Variants in AGFG1 observed in about 807,000 individuals in gnomAD.
The protein encoded by AGFG1 is ArfGAP with FG repeats 1.
A neutral mutation model predicts 60.6 loss-of-function variants in AGFG1; 10 were observed. The observed-to-expected ratio is 0.16, with a 90% CI of 0.10 to 0.28. AGFG1 has a LOEUF of 0.28. AGFG1 is among the 10% of genes least tolerant of loss of function. The probability of loss-of-function intolerance (pLI) is 1.00; values close to 1 mark genes in which losing one functional copy is unlikely to be tolerated. For synonymous variants in AGFG1, 247 were observed against 242.9 expected, an observed-to-expected ratio of 1.02 and a Z score of -0.16; for missense variants, 537 against 676.5, an observed-to-expected ratio of 0.79 and a Z score of 2.29.
chr2:227,496,212 TTATCTC>T (rs1399855291), intron 2 of AGFG1, among the ~76,000 whole-genome samples: 1 of 152,028 alleles, frequency 6.6e-6, no homozygotes, highest in African/African-American at 2.4e-5. Context: ...CAGTATTTGA[TTATCTC>T]TATACTGGAT....
chr2:227,498,477 A>G (rs1214615327), intron 2 of AGFG1, among the ~76,000 whole-genome samples: 1 of 152,200 alleles, frequency 6.6e-6, no homozygotes, highest in African/African-American at 2.4e-5. Context: ...TATTTAAGGG[A>G]TATTTATTTA....
intron 2 of AGFG1, among the ~76,000 whole-genome samples, chr2:227,497,723 C>CTTGTTTTTTTTTT (rs1559173411): frequency 1.2e-5 from 1 of 80,300 alleles, no homozygotes; most frequent in Non-Finnish European, 2.5e-5. Context: ...AAATGAGTTT[C>CTTGTTTTTTTTTT]TTTCTTGTTT....
chr2:227,535,142 G>A, intron 8 of AGFG1, 117 bp downstream of exon 8: 1 of 1,138,906 alleles, frequency 8.8e-7, no homozygotes, highest in Non-Finnish European at 1.2e-6. Flanking sequence ...GGATATTTTT[G>A]TAAATTTGAG....
chr2:227,479,570 T>C (rs958880891), intron 1 of AGFG1, among the ~76,000 whole-genome samples: 10 of 152,342 alleles, frequency 6.6e-5, no homozygotes, highest in Admixed American at 6.5e-4. Flanking sequence ...GATATTTTCC[T>C]TCTTTTCTGT....
At chr2:227,553,331 A>G (rs1692877910) in intron 11 of AGFG1, among the ~76,000 whole-genome samples, 2 of 151,944 alleles carry the variant, frequency 1.3e-5, no homozygotes, top group African/African-American at 2.4e-5. Context: ...AACCCTGTCT[A>G]CAAAAAATAC....
intron 10 of AGFG1, among the ~76,000 whole-genome samples, chr2:227,543,077 G>A (rs12694737): frequency 0.84 from 128,405 of 151,982 alleles, 54,352 homozygotes; most frequent in African/African-American, 0.91. Context: ...CTAGCGGTCT[G>A]TCAATTTTGT....
Position 227,557,102 on chromosome 2 carries a change from G to A in AGFG1, c.*2607G>A, listed in dbSNP as rs1342971346. ...AGTACTAAAAAGGAGAAAAAATCCTGGAAGGTAACAAGGCTGAAGACCTTC... is the reference window on the plus strand; with the variant it reads ...AGTACTAAAAAGGAGAAAAAATCCTAGAAGGTAACAAGGCTGAAGACCTTC... On this transcript the variant is annotated 3_prime_UTR_variant, in exon 13 of 13. Transcript: ENST00000310078. 6.6e-6 allele frequency: 1 copy of A among 152,106 alleles called. No individual in the cohort carries two copies. Among genetic ancestry groups the A allele is most frequent in the Non-Finnish European group, 1.5e-5 (1 of 68,024 alleles). The allele number at this position is 152,106 out of a possible 1,614,324, so 9.4% of individuals were successfully genotyped here. A position where few individuals can be genotyped will look rare whatever the true frequency, so the allele number is the denominator to read the frequency against.
Position 227,554,720 on chromosome 2 carries a change from A to G in AGFG1, c.*225A>G. The G allele has an allele frequency of 2.4e-6, 1 of 416,706 alleles. No individual in the cohort carries two copies. The highest frequency in any genetic ancestry group is 3.8e-5 in the East Asian group (1 of 26,460). The allele number at this position is 416,706 out of a possible 1,614,324, so 25.8% of individuals were successfully genotyped here. On this transcript the variant is annotated 3_prime_UTR_variant, in exon 13 of 13. Transcript: ENST00000310078. The stretch of plus-strand genomic sequence containing the variant: ...AGAAAAGGGTAGCGGTATCATGTAT[A>G]TTAAAATTGGCTAATATTAAGTTAT...
chr2:227,522,074 C>T (rs1397152872), intron 3 of AGFG1, among the ~76,000 whole-genome samples: 1 of 152,214 alleles, frequency 6.6e-6, no homozygotes, highest in Non-Finnish European at 1.5e-5. Flanking sequence ...AAAATACTCA[C>T]TGTAACTATA....
At chr2:227,517,129 T>A (rs900474513) in intron 2 of AGFG1, among the ~76,000 whole-genome samples, 2 of 152,220 alleles carry the variant, frequency 1.3e-5, no homozygotes, top group African/African-American at 4.8e-5. Flanking sequence ...TGGATGTCTG[T>A]ACTTCTCAGG....
rs865903621 is a variant in AGFG1, at chr2:227,556,972, T to G, written c.*2477T>G. 2 of 152,136 alleles carry G rather than the reference T, an allele frequency of 1.3e-5. No individual in the cohort carries two copies. Among genetic ancestry groups the G allele is most frequent in the South Asian group, 2.1e-4 (1 of 4,822 alleles). The allele number at this position is 152,136 out of a possible 1,614,324, so 9.4% of individuals were successfully genotyped here. Reference sequence around the variant, plus strand: ...AAGAAGAGAGGTAGCTTTAAAGTGGTTTTTCTCATGATATTCACTGTTTAT... The same window carrying G: ...AAGAAGAGAGGTAGCTTTAAAGTGGGTTTTCTCATGATATTCACTGTTTAT... On this transcript the variant is annotated 3_prime_UTR_variant, in exon 13 of 13. Coordinates refer to ENST00000310078, the MANE Select transcript of AGFG1 (RefSeq NM_004504.5).
chr2:227,553,274 G>A (rs759712971), intron 11 of AGFG1, among the ~76,000 whole-genome samples: 7 of 152,124 alleles, frequency 4.6e-5, no homozygotes, highest in Non-Finnish European at 8.8e-5. Flanking sequence ...AAGACAGGTG[G>A]ATCAGTCGAG....
intron 2 of AGFG1, among the ~76,000 whole-genome samples, chr2:227,515,442 AC>A (rs1691622472): frequency 6.6e-6 from 1 of 152,040 alleles, no homozygotes; most frequent in African/African-American, 2.4e-5. Context: ...TTCCTGGCTT[AC>A]TCTAATACTG....
chr2:227,524,551 G>A (rs954691569), intron 4 of AGFG1, among the ~76,000 whole-genome samples: 1 of 152,146 alleles, frequency 6.6e-6, no homozygotes, highest in Admixed American at 6.5e-5. Context: ...TAGTACTGTG[G>A]ATTAAATCCT....
chr2:227,552,294 C>T (rs1692843482), intron 11 of AGFG1, among the ~76,000 whole-genome samples, 177 bp downstream of exon 11: 1 of 152,164 alleles, frequency 6.6e-6, no homozygotes, highest in South Asian at 2.1e-4. Flanking sequence ...AGTGATTTTA[C>T]AAGTTTTTGT....
intron 4 of AGFG1, among the ~76,000 whole-genome samples, chr2:227,524,191 ATG>A (rs933052314): frequency 6.6e-6 from 1 of 151,872 alleles, no homozygotes. Context: ...AGCTATATAT[ATG>A]TGTGTGTGTG....
At chr2:227,532,069 C>T (rs1692179529) in intron 6 of AGFG1, 4 of 1,292,086 alleles carry the variant, frequency 3.1e-6, no homozygotes, top group Non-Finnish European at 4.2e-6. Context: ...GTCTTAAAGC[C>T]TTTTCTTTCA....
intron 2 of AGFG1, among the ~76,000 whole-genome samples, chr2:227,497,729 T>TAA (rs1691019736): frequency 6.0e-5 from 1 of 16,552 alleles, no homozygotes; most frequent in African/African-American, 1.5e-4. Flanking sequence ...GTTTCTTTCT[T>TAA]GTTTTGTTTT....
At chr2:227,490,774 T>C (rs569423520) in intron 1 of AGFG1, among the ~76,000 whole-genome samples, 2 of 152,298 alleles carry the variant, frequency 1.3e-5, no homozygotes, top group African/African-American at 4.8e-5. Context: ...TAAATAGTTA[T>C]TAAATCTGTT....
Sources: gnomAD v4.1 joint callset for allele counts (sites outside exome capture counted in the v4.1 genomes callset) on GRCh38, gnomAD v4.1.1 for gene constraint, MANE v1.5 for transcripts, NCBI Gene and HGNC (gene_info 2026-07-23, HGNC 2026-07-21) for gene names.